ACOD1: variants seen among roughly 807,000 people sequenced by gnomAD.
ACOD1 encodes cis-aconitate decarboxylase.
ACOD1 carries 14 observed loss-of-function variants against 14.2 expected under a neutral mutation model. The observed-to-expected ratio is 0.99, with a 90% CI of 0.65 to 1.54. ACOD1 has a LOEUF of 1.54. Ranked by LOEUF, ACOD1 falls within the 40% of genes most tolerant of loss-of-function variation. The pLI is 0.00. For missense variants in ACOD1, 530 were observed against 586.3 expected, an observed-to-expected ratio of 0.90 and a Z score of 0.99; for synonymous variants, 182 against 221.7, an observed-to-expected ratio of 0.82 and a Z score of 1.59.
intron 3 of ACOD1, 126 bp downstream of exon 3, chr13:76,953,815 A>G (rs1345231630): frequency 6.1e-6 from 4 of 657,496 alleles, no homozygotes; most frequent in Non-Finnish European, 1.1e-5. Context: ...AGACAGATAA[A>G]GTGGCTTACC....
rs2033900200 is a variant in ACOD1, at chr13:76,958,191, AC to A, written c.*207del. 2 of 487,794 alleles carry A rather than the reference AC, an allele frequency of 4.1e-6. No homozygotes were observed. Among genetic ancestry groups the A allele is most frequent in the Non-Finnish European group, 7.1e-6 (2 of 279,978 alleles). The allele number at this position is 487,794 out of a possible 1,614,324, so 30.2% of individuals were successfully genotyped here. A position where few individuals can be genotyped will look rare whatever the true frequency, so the allele number is the denominator to read the frequency against. On this transcript the variant is annotated 3_prime_UTR_variant, in exon 5 of 5. Transcript: ENST00000377462. ...ACCTAAATCAAGATGAAACACACACACAAAAATGAGTTTGTAAGCATTCACA... is the reference window on the plus strand; with the variant it reads ...ACCTAAATCAAGATGAAACACACACAAAAAATGAGTTTGTAAGCATTCACA...
chr13:76,953,922 A>T (rs1195804137), intron 3 of ACOD1, among the ~76,000 whole-genome samples: 2 of 152,216 alleles, frequency 1.3e-5, no homozygotes, highest in East Asian at 3.8e-4. Flanking sequence ...GGAAGGATTT[A>T]GATAAAAACA....
Position 76,957,225 on chromosome 13 carries a change from T to C in ACOD1, c.686T>C (p.Leu229Pro). 6.4e-7 allele frequency: 1 copy of C among 1,550,656 alleles called. No homozygotes were observed. The change falls in exon 5 of 5, where the codon CTC becomes CCC. Residue 229 changes from leucine to proline, a missense_variant. Physicochemically the swap from Leu to Pro is moderately conservative, Grantham distance 98. Transcript: ENST00000377462. ...IEAAFLAMLG[L>P]QGNKQVLDLE... ...GCTGCATTTTTGGCAATGTTGGGTC[T>C]CCAAGGAAACAAGCAGGTCTTGGAC...
In ACOD1 at chr13:76,957,123, C is replaced by T; in HGVS notation, c.584C>T (p.Ala195Val). The part of the protein sequence containing the change: ...REALAIAVSH[A>V]GAPMANAATQ... Reference sequence around the variant, plus strand: ...GCTCTGGCCATTGCTGTTTCCCATGCTGGGGCACCCATGGCCAATGCTGCC... The same window carrying T: ...GCTCTGGCCATTGCTGTTTCCCATGTTGGGGCACCCATGGCCAATGCTGCC... The change falls in exon 5 of 5, where the codon GCT becomes GTT. Residue 195 changes from alanine to valine, a missense_variant. Coordinates refer to ENST00000377462, the MANE Select transcript of ACOD1 (RefSeq NM_001258406.2). 6.4e-7 allele frequency: 1 copy of T among 1,550,654 alleles called. No individual in the cohort carries two copies. Among genetic ancestry groups the T allele is most frequent in the Non-Finnish European group, 8.7e-7 (1 of 1,147,006 alleles).
chr13:76,957,709 C>T lies in ACOD1; in HGVS notation c.1170C>T (p.Val390=). The T allele has an allele frequency of 6.4e-7, 1 of 1,550,654 alleles. No individual in the cohort carries two copies. The highest frequency in any genetic ancestry group is 8.7e-7 in the Non-Finnish European group (1 of 1,147,002). Residue 390 remains valine (V), a synonymous_variant, in exon 5 of 5, where the codon GTC becomes GTT. Transcript: ENST00000377462. ...ACATACTGTACTGTGAAATAAGTGT[C>T]ACCCTCAAGGATGGAGCCACCTTCA... The part of the protein sequence containing the change: ...SFNILYCEIS[V]TLKDGATFTD...
chr13:76,954,403 TTTAATATAA>T (rs1348592616), intron 3 of ACOD1, among the ~76,000 whole-genome samples: 1 of 152,168 alleles, frequency 6.6e-6, no homozygotes, highest in Admixed American at 6.5e-5. Context: ...ATATTACTGT[TTTAATATAA>T]AGAAAAAGAA....
In ACOD1 at chr13:76,957,711, C is replaced by T. The variant is rs773557828; in HGVS notation, c.1172C>T (p.Thr391Ile). Residue 391 changes from threonine (T) to isoleucine (I), a missense_variant, in exon 5 of 5, where the codon ACC (threonine) becomes ATC (isoleucine). Transcript: ENST00000377462. ...FNILYCEISV[T>I]LKDGATFTDR... ...ATACTGTACTGTGAAATAAGTGTCA[C>T]CCTCAAGGATGGAGCCACCTTCACA... is the stretch of plus-strand genomic sequence containing the variant. 2 of 1,550,636 alleles carry T rather than the reference C, an allele frequency of 1.3e-6. No homozygotes were observed. The highest frequency in any genetic ancestry group is 8.7e-7 in the Non-Finnish European group (1 of 1,147,008).
chr13:76,951,186 G>A (rs2137744545), intron 1 of ACOD1, among the ~76,000 whole-genome samples: 1 of 152,196 alleles, frequency 6.6e-6, no homozygotes, highest in South Asian at 2.1e-4. Context: ...TTAATAACAT[G>A]TTTTATTTAC....
chr13:76,955,601 T>C, intron 4 of ACOD1, 77 bp downstream of exon 4: 1 of 1,321,148 alleles, frequency 7.6e-7, no homozygotes, highest in Non-Finnish European at 1.0e-6. Flanking sequence ...TAGAGCTTTC[T>C]GACTTAGAGG....
At chr13:76,952,752 C>T in intron 2 of ACOD1, 102 bp downstream of exon 2, 2 of 879,630 alleles carry the variant, frequency 2.3e-6, no homozygotes, top group South Asian at 3.7e-5. Flanking sequence ...ATGTACATAG[C>T]ACTGTTCTAT....
At chr13:76,953,820 C>T (rs2033846686) in intron 3 of ACOD1, 131 bp downstream of exon 3, 1 of 630,470 alleles carries the variant, frequency 1.6e-6, no homozygotes, top group Non-Finnish European at 2.9e-6. Context: ...GATAAAGTGG[C>T]TTACCCTCTC....
At chr13:76,955,142 A>G (rs796958573) in intron 3 of ACOD1, among the ~76,000 whole-genome samples, 177 bp from the exon 4 acceptor site, 39 of 104,652 alleles carry the variant, frequency 3.7e-4, no homozygotes, top group Non-Finnish European at 6.3e-4. Context: ...AAAAAAAAAA[A>G]AAAAAAAAAA....
At chr13:76,955,199 G>A (rs1593891187) in intron 3 of ACOD1, 120 bp from the exon 4 acceptor site, 8 of 588,088 alleles carry the variant, frequency 1.4e-5, no homozygotes, top group South Asian at 6.3e-5. Context: ...CTGAGAATCA[G>A]ATCAAAAGAA....
intron 1 of ACOD1, among the ~76,000 whole-genome samples, chr13:76,949,084 G>A (rs2033798219): frequency 6.6e-6 from 1 of 151,980 alleles, no homozygotes; most frequent in Admixed American, 6.6e-5. Flanking sequence ...TCGCTAACTC[G>A]GTAAAACCCG....
rs1341284395 is a variant in ACOD1 at position 76,957,816 on chromosome 13, C to T, written c.1277C>T (p.Ala426Val). 8 of 1,551,034 alleles carry T rather than the reference C, an allele frequency of 5.2e-6. No homozygotes were observed. Among genetic ancestry groups the T allele is most frequent in the Non-Finnish European group, 7.0e-6 (8 of 1,147,086 alleles). ...CTAGAGGAAAAGTTCAGAGCCAATG[C>T]CTCCAAGATGCTGTCCTGGGACACA... ...EDLEEKFRANASKMLSWDTVE... is the reference protein window; with the variant it reads ...EDLEEKFRANVSKMLSWDTVE... Residue 426 changes from alanine to valine, a missense_variant, in exon 5 of 5, where the codon GCC becomes GTC. Ala to Val is a moderately conservative substitution (Grantham distance 64). Transcript: ENST00000377462.
chr13:76,950,437 A>G (rs1306742247), intron 1 of ACOD1, among the ~76,000 whole-genome samples: 3 of 152,238 alleles, frequency 2.0e-5, no homozygotes, highest in African/African-American at 4.8e-5. Flanking sequence ...CAGTCTACAT[A>G]TTGAAGAATT....
chr13:76,952,601 T>C lies in ACOD1; in HGVS notation c.125T>C (p.Phe42Ser), dbSNP rs1362826590. Reference sequence around the variant, plus strand: ...ATTCTAGACACTCTGGGTGCTGGGTTCCTGGGAACCACTACGGAAGTGTTT... The same window carrying C: ...ATTCTAGACACTCTGGGTGCTGGGTCCCTGGGAACCACTACGGAAGTGTTT... ...RMILDTLGAGFLGTTTEVFHI... is the reference protein window; with the variant it reads ...RMILDTLGAGSLGTTTEVFHI... The change falls in exon 2 of 5, where the codon TTC becomes TCC. Residue 42 changes from phenylalanine to serine, a missense_variant. Transcript: ENST00000377462. 6.4e-7 allele frequency: 1 copy of C among 1,550,510 alleles called. No individual in the cohort carries two copies. Among genetic ancestry groups the C allele is most frequent in the Admixed American group, 2.0e-5 (1 of 50,994 alleles).
chr13:76,950,504 C>T (rs1006218205), intron 1 of ACOD1, among the ~76,000 whole-genome samples: 4 of 152,164 alleles, frequency 2.6e-5, no homozygotes, highest in African/African-American at 7.2e-5. Flanking sequence ...AGTAATCTTA[C>T]ATGTTTTTCT....
intron 1 of ACOD1, among the ~76,000 whole-genome samples, chr13:76,952,221 A>G (rs1026225855): frequency 6.6e-6 from 1 of 151,972 alleles, no homozygotes; most frequent in Non-Finnish European, 1.5e-5. Flanking sequence ...CCATCACGCA[A>G]TGCTGTGTCC....
Sources: gnomAD v4.1 joint callset for allele counts (sites outside exome capture counted in the v4.1 genomes callset) on GRCh38, gnomAD v4.1.1 for gene constraint, MANE v1.5 for transcripts, NCBI Gene and HGNC (gene_info 2026-07-23, HGNC 2026-07-21) for gene names.